The following PCMTD1 variants were observed in gnomAD, a reference collection of about 807,000 sequenced individuals.
PCMTD1 encodes the protein protein-L-isoaspartate O-methyltransferase domain-containing protein 1.
Under a neutral mutation model 37.6 loss-of-function variants are expected in PCMTD1, and 12 were observed. That is an observed-to-expected ratio of 0.32 (90% CI 0.20 to 0.52). PCMTD1 has a LOEUF of 0.52. PCMTD1 is among the 20% of genes least tolerant of loss of function. PCMTD1 has a pLI of 0.97. For synonymous variants in PCMTD1, 117 were observed against 135.8 expected (o/e 0.86, Z 0.96); for missense variants, 235 against 421.3 (o/e 0.56, Z 3.87).
chr8:51,845,645 A>C lies in PCMTD1; in HGVS notation c.410+16T>G. Reference sequence around the variant, plus strand: ...TTAAGTGATTTTAAACCAAAACTATAGATATGAATACTTACTTATCAAAGC... The same window carrying C: ...TTAAGTGATTTTAAACCAAAACTATCGATATGAATACTTACTTATCAAAGC... On this transcript the variant is annotated intron_variant, in intron 3 of 5. Transcript: ENST00000522514. The C allele has an allele frequency of 6.3e-7, 1 of 1,575,224 alleles. No homozygotes were observed. Among genetic ancestry groups the C allele is most frequent in the South Asian group, 1.1e-5 (1 of 90,070 alleles).
chr8:51,832,670 T>C (rs1049710860), intron 4 of PCMTD1, among the ~76,000 whole-genome samples: 3 of 152,332 alleles, frequency 2.0e-5, no homozygotes, highest in African/African-American at 7.2e-5. Context: ...CTGAGTAAAT[T>C]AGTATTTTAT....
intron 2 of PCMTD1, among the ~76,000 whole-genome samples, chr8:51,853,310 C>T (rs1461327576): frequency 6.6e-6 from 1 of 152,114 alleles, no homozygotes; most frequent in African/African-American, 2.4e-5. Context: ...GCAGCCCTGC[C>T]AACTCCAGTC....
Position 51,845,660 on chromosome 8 carries a change from C to T in PCMTD1, c.410+1G>A, listed in dbSNP as rs773107253. ...CCAAAACTATAGATATGAATACTTA[C>T]TTATCAAAGCTATCACTATTTTTGA... is the stretch of plus-strand genomic sequence containing the variant. On this transcript the variant is annotated splice_donor_variant, in intron 3 of 5. Transcript: ENST00000522514. LOFTEE classifies it high-confidence loss of function. 1 of 1,602,610 alleles carries T rather than the reference C, an allele frequency of 6.2e-7. No homozygotes were observed. The highest frequency in any genetic ancestry group is 8.5e-7 in the Non-Finnish European group (1 of 1,170,662).
chr8:51,864,996 A>G (rs1165285482), intron 1 of PCMTD1, among the ~76,000 whole-genome samples: 5 of 152,150 alleles, frequency 3.3e-5, no homozygotes, highest in Non-Finnish European at 4.4e-5. Flanking sequence ...GAAATGAAAG[A>G]GGAGATACCA....
intron 1 of PCMTD1, among the ~76,000 whole-genome samples, chr8:51,881,754 T>G (rs2038795747): frequency 6.6e-6 from 1 of 152,198 alleles, no homozygotes; most frequent in African/African-American, 2.4e-5. Flanking sequence ...GCTTAAAACC[T>G]CGGTGTAAGT....
At chr8:51,895,345 T>C (rs942045191) in intron 1 of PCMTD1, among the ~76,000 whole-genome samples, 1 of 152,202 alleles carries the variant, frequency 6.6e-6, no homozygotes, top group African/African-American at 2.4e-5. Context: ...ACTTCATCAA[T>C]TGATAACATG....
In PCMTD1 at chr8:51,817,851, GCTAT is replaced by G. The variant is rs1313058580; in HGVS notation, c.*2496_*2499del. ...TCTTGGGATTGATCTGATGCTAGAA[GCTAT>G]CTTAGGCCCTGTCTCTAACTCACTG... is the stretch of plus-strand genomic sequence containing the variant. On this transcript the variant is annotated 3_prime_UTR_variant, in exon 6 of 6. Coordinates refer to ENST00000522514, the MANE Select transcript of PCMTD1 (RefSeq NM_052937.4). 2.2e-6 allele frequency: 1 copy of G among 456,666 alleles called. No homozygotes were observed. Among genetic ancestry groups the G allele is most frequent in the African/African-American group, 2.0e-5 (1 of 50,114 alleles). The allele number at this position is 456,666 out of a possible 1,614,324, so 28.3% of individuals were successfully genotyped here. A position where few individuals can be genotyped will look rare whatever the true frequency, so the allele number is the denominator to read the frequency against.
At position 51,819,685 on chromosome 8, in the gene PCMTD1, G is replaced by A. The variant is rs1199790279; in HGVS notation, c.*666C>T. On this transcript the variant is annotated 3_prime_UTR_variant, in exon 6 of 6. Coordinates refer to ENST00000522514, the MANE Select transcript of PCMTD1 (RefSeq NM_052937.4). Reference sequence around the variant, plus strand: ...TAGACTTTGTTTTAATAATTCACTTGCTGTGCTCTTAAAATCTCTATGAGA... The same window carrying A: ...TAGACTTTGTTTTAATAATTCACTTACTGTGCTCTTAAAATCTCTATGAGA... The A allele has an allele frequency of 1.3e-5, 2 of 152,576 alleles. No homozygotes were observed. Among genetic ancestry groups the A allele is most frequent in the Admixed American group, 1.3e-4 (2 of 15,272 alleles). 9.5% of individuals were successfully genotyped at this position (152,576 alleles called of 1,614,324 possible). A position where few individuals can be genotyped will look rare whatever the true frequency, so the allele number is the denominator to read the frequency against.
intron 5 of PCMTD1, among the ~76,000 whole-genome samples, chr8:51,827,639 G>C (rs544391173): frequency 6.6e-6 from 1 of 152,244 alleles, no homozygotes; most frequent in East Asian, 1.9e-4. Context: ...CCAAGAAAAA[G>C]GAGGGATGAC....
intron 1 of PCMTD1, among the ~76,000 whole-genome samples, chr8:51,869,909 G>A (rs2038614122): frequency 6.6e-6 from 1 of 152,228 alleles, no homozygotes; most frequent in African/African-American, 2.4e-5. Flanking sequence ...GAAACTATCT[G>A]CAAAGTGTTC....
At chr8:51,869,116 A>T (rs2038602471) in intron 1 of PCMTD1, among the ~76,000 whole-genome samples, 1 of 152,206 alleles carries the variant, frequency 6.6e-6, no homozygotes, top group South Asian at 2.1e-4. Context: ...ATTAGAATTG[A>T]TTATAATTGA....
intron 3 of PCMTD1, among the ~76,000 whole-genome samples, chr8:51,838,662 C>G (rs1028772831): frequency 5.3e-4 from 81 of 152,102 alleles, no homozygotes; most frequent in Non-Finnish European, 1.3e-4. Flanking sequence ...AAACATTTTT[C>G]CTCCTTAGGC....
chr8:51,895,934 A>ATTTTTTTTTTTTTTTT lies in PCMTD1; in HGVS notation c.-96+2995_-96+2996insAAAAAAAAAAAAAAAA, dbSNP rs1563367741. The stretch of plus-strand genomic sequence containing the variant: ...CTTTATTAATGTTAGTATTTGTCCC[A>ATTTTTTTTTTTTTTTT]TTTCTTTTTTTTTTTTTTTTTTTTT... On this transcript the variant is annotated intron_variant, in intron 1 of 5. Transcript: ENST00000522514. The ATTTTTTTTTTTTTTTT allele has an allele frequency of 2.1e-4, 25 of 116,670 alleles. 10 individuals are homozygous for ATTTTTTTTTTTTTTTT. Among genetic ancestry groups the ATTTTTTTTTTTTTTTT allele is most frequent in the Non-Finnish European group, 1.5e-4 (9 of 58,622 alleles). The allele number at this position is 116,670 out of a possible 1,614,324, so 7.2% of individuals were successfully genotyped here. A position where few individuals can be genotyped will look rare whatever the true frequency, so the allele number is the denominator to read the frequency against.
intron 1 of PCMTD1, among the ~76,000 whole-genome samples, chr8:51,882,672 T>C (rs1389326830): frequency 1.3e-5 from 2 of 151,988 alleles, no homozygotes; most frequent in South Asian, 2.1e-4. Context: ...TTTAAGATCA[T>C]GAAAAGAACA....
chr8:51,828,295 T>C (rs1026242556), intron 5 of PCMTD1, among the ~76,000 whole-genome samples: 3 of 152,316 alleles, frequency 2.0e-5, no homozygotes, highest in Admixed American at 2.0e-4. Flanking sequence ...AACAAAATTA[T>C]CATAAACTAT....
chr8:51,826,353 C>T (rs1035909678), intron 5 of PCMTD1, among the ~76,000 whole-genome samples: 3 of 151,538 alleles, frequency 2.0e-5, no homozygotes, highest in African/African-American at 7.3e-5. Flanking sequence ...GATCACCACA[C>T]CAGGGCCTGT....
intron 2 of PCMTD1, chr8:51,849,349 T>C (rs1473832474): frequency 2.0e-5 from 3 of 152,126 alleles, no homozygotes; most frequent in Admixed American, 1.3e-4. Context: ...ATCCAAAAGA[T>C]GATGATATTA....
intron 1 of PCMTD1, among the ~76,000 whole-genome samples, chr8:51,873,501 G>A (rs2038666644): frequency 6.6e-6 from 1 of 152,142 alleles, no homozygotes; most frequent in African/African-American, 2.4e-5. Flanking sequence ...TCAAATCATA[G>A]TAATGGTATA....
chr8:51,834,192 C>T (rs13281179), intron 3 of PCMTD1, among the ~76,000 whole-genome samples: 8,250 of 152,148 alleles, frequency 0.054, 244 homozygotes, highest in African/African-American at 0.081. Flanking sequence ...AGTGTCCTGA[C>T]CACATACCCC....
Sources: gnomAD v4.1 joint callset for allele counts (sites outside exome capture counted in the v4.1 genomes callset) on GRCh38, gnomAD v4.1.1 for gene constraint, MANE v1.5 for transcripts, NCBI Gene and HGNC (gene_info 2026-07-23, HGNC 2026-07-21) for gene names.